The following GPC6 variants were observed in gnomAD, a reference collection of about 807,000 sequenced individuals.
The protein encoded by GPC6 is glypican-6.
GPC6 carries 14 observed loss-of-function variants against 55.2 expected under a neutral mutation model. The observed-to-expected ratio is 0.25, with a 90% CI of 0.17 to 0.40. GPC6 has a LOEUF of 0.40. GPC6 is among the 10% of genes least tolerant of loss of function. The pLI, the probability that GPC6 is intolerant of heterozygous loss-of-function variation, is 1.00. For synonymous variants in GPC6, 278 were observed against 259.6 expected (o/e 1.07, Z -0.68); for missense variants, 641 against 708.5 (o/e 0.90, Z 1.08).
At chr13:93,608,840 T>C (rs1200283632) in intron 2 of GPC6, among the ~76,000 whole-genome samples, 2 of 152,202 alleles carry the variant, frequency 1.3e-5, no homozygotes, top group Non-Finnish European at 2.9e-5. Flanking sequence ...GTCCCCAATA[T>C]CTAATTCCAT....
chr13:93,915,481 T>C (rs1877238848), intron 3 of GPC6, among the ~76,000 whole-genome samples: 1 of 152,176 alleles, frequency 6.6e-6, no homozygotes, highest in South Asian at 2.1e-4. Flanking sequence ...AGCAAATCAT[T>C]ATCTAAAACT....
chr13:93,620,099 G>A (rs1235296378), intron 2 of GPC6, among the ~76,000 whole-genome samples: 1 of 152,058 alleles, frequency 6.6e-6, no homozygotes, highest in Non-Finnish European at 1.5e-5. Flanking sequence ...GTACTTTGAC[G>A]TAGAATCTCA....
At chr13:93,601,195 C>G (rs1322751051) in intron 2 of GPC6, among the ~76,000 whole-genome samples, 1 of 151,718 alleles carries the variant, frequency 6.6e-6, no homozygotes, top group Non-Finnish European at 1.5e-5. Context: ...TCGAGCCTGG[C>G]CAACATAGAG....
chr13:93,505,337 C>T (rs992898144), intron 1 of GPC6, among the ~76,000 whole-genome samples: 12 of 152,082 alleles, frequency 7.9e-5, no homozygotes, highest in African/African-American at 2.9e-4. Context: ...CCCTGTAAGT[C>T]TCTAGTTACA....
chr13:93,794,191 A>G (rs1053306547), intron 2 of GPC6, among the ~76,000 whole-genome samples: 1 of 152,234 alleles, frequency 6.6e-6, no homozygotes, highest in Admixed American at 6.5e-5. Context: ...GTTCAAAGAG[A>G]AATAGCATTT....
At chr13:93,527,725 C>T (rs562541103) in intron 1 of GPC6, among the ~76,000 whole-genome samples, 8 of 152,004 alleles carry the variant, frequency 5.3e-5, no homozygotes, top group South Asian at 2.1e-4. Flanking sequence ...GCCTCGCATC[C>T]CCCATCTGTG....
intron 1 of GPC6, among the ~76,000 whole-genome samples, chr13:93,246,569 G>A (rs1876608351): frequency 6.6e-6 from 1 of 151,884 alleles, no homozygotes; most frequent in African/African-American, 2.4e-5. Context: ...CTTGTGAAAT[G>A]AACTTAACAA....
At chr13:94,320,393 A>C (rs1336287689) in intron 6 of GPC6, among the ~76,000 whole-genome samples, 2 of 152,146 alleles carry the variant, frequency 1.3e-5, no homozygotes, top group Non-Finnish European at 2.9e-5. Context: ...GTTTCTTACA[A>C]ATGGTGCTTT....
At chr13:93,833,183 T>A (rs1887596235) in intron 3 of GPC6, among the ~76,000 whole-genome samples, 1 of 149,208 alleles carries the variant, frequency 6.7e-6, no homozygotes, top group African/African-American at 2.5e-5. Flanking sequence ...ATAGCCTTGG[T>A]TTGAAAGAAG....
At chr13:93,885,617 A>G (rs1288530120) in intron 3 of GPC6, among the ~76,000 whole-genome samples, 2 of 152,158 alleles carry the variant, frequency 1.3e-5, no homozygotes, top group African/African-American at 4.8e-5. Context: ...TAAAAATTAC[A>G]GGCTAAAGTT....
At chr13:93,555,022 C>G in intron 2 of GPC6, among the ~76,000 whole-genome samples, 1 of 152,186 alleles carries the variant, frequency 6.6e-6, no homozygotes, top group Admixed American at 6.5e-5. Context: ...ACATGAAAAG[C>G]AAACTTTGAA....
chr13:94,260,252 C>A (rs951894046), intron 4 of GPC6, among the ~76,000 whole-genome samples: 2 of 152,262 alleles, frequency 1.3e-5, no homozygotes, highest in Admixed American at 1.3e-4. Flanking sequence ...GGATTCCTAG[C>A]TCAGCCTGAG....
intron 1 of GPC6, among the ~76,000 whole-genome samples, chr13:93,418,930 A>G (rs531519333): frequency 4.6e-5 from 7 of 151,310 alleles, no homozygotes; most frequent in African/African-American, 1.7e-4. Flanking sequence ...TAATAGCACT[A>G]TACCATAGTA....
intron 1 of GPC6, among the ~76,000 whole-genome samples, chr13:93,496,869 G>T (rs1446671926): frequency 1.3e-5 from 2 of 152,200 alleles, no homozygotes; most frequent in Non-Finnish European, 2.9e-5. Flanking sequence ...TAAATAGTCT[G>T]TGTTAAACAT....
intron 2 of GPC6, among the ~76,000 whole-genome samples, chr13:93,556,664 C>T (rs1875498539): frequency 6.6e-6 from 1 of 151,046 alleles, no homozygotes; most frequent in African/African-American, 2.4e-5. Flanking sequence ...TTTTTTTAAC[C>T]TGTTAGCCAG....
intron 6 of GPC6, among the ~76,000 whole-genome samples, chr13:94,372,642 C>G (rs1267775553): frequency 6.6e-6 from 1 of 152,076 alleles, no homozygotes; most frequent in African/African-American, 2.4e-5. Context: ...GGGGGAGGGG[C>G]GCCCGCCATT....
intron 3 of GPC6, among the ~76,000 whole-genome samples, chr13:93,901,429 A>G (rs1876344364): frequency 6.6e-6 from 1 of 152,058 alleles, no homozygotes; most frequent in Admixed American, 6.6e-5. Context: ...ATGAAAAGTT[A>G]TTAAGGGGCA....
At chr13:93,826,077 C>A (rs1485562658) in intron 2 of GPC6, among the ~76,000 whole-genome samples, 3 of 151,836 alleles carry the variant, frequency 2.0e-5, no homozygotes, top group Non-Finnish European at 2.9e-5. Flanking sequence ...CCAGGCTGGT[C>A]TCGAACTCCT....
chr13:93,691,925 C>T (rs995904091), intron 2 of GPC6, among the ~76,000 whole-genome samples: 2 of 151,956 alleles, frequency 1.3e-5, no homozygotes, highest in African/African-American at 4.8e-5. Flanking sequence ...TTAGAGAGAA[C>T]AACTAATATA....
Sources: allele counts gnomAD v4.1 joint callset (sites outside exome capture counted in the v4.1 genomes callset), GRCh38; gene constraint gnomAD v4.1.1; transcripts MANE v1.5; gene names NCBI Gene and HGNC (gene_info 2026-07-23, HGNC 2026-07-21).